The following FAM13A variants were observed in gnomAD, a reference collection of about 807,000 sequenced individuals.
The protein encoded by FAM13A is protein FAM13A.
In FAM13A, 76 loss-of-function variants were observed where a neutral mutation model predicts 129.6. The ratio of observed to expected loss-of-function variants is 0.59; its 90% confidence interval spans 0.49 to 0.71. The LOEUF is 0.71. Ranked by LOEUF, FAM13A falls within the 30% of genes least tolerant of loss-of-function variation. FAM13A has a pLI of 0.00. For synonymous variants in FAM13A, 443 were observed against 449.9 expected (o/e 0.98, Z 0.20); for missense variants, 1,108 against 1,249.3 (o/e 0.89, Z 1.70).
At chr4:88,754,708 C>A (rs1743282857) in intron 14 of FAM13A, among the ~76,000 whole-genome samples, 1 of 152,102 alleles carries the variant, frequency 6.6e-6, no homozygotes, top group African/African-American at 2.4e-5. Flanking sequence ...CAATGTTAGT[C>A]CTATGAAATT....
At chr4:88,790,080 A>G (rs1169044168) in intron 9 of FAM13A, among the ~76,000 whole-genome samples, 2 of 152,124 alleles carry the variant, frequency 1.3e-5, no homozygotes, top group South Asian at 2.1e-4. Flanking sequence ...TGCCATCACT[A>G]ATTTGCTTTC....
At position 88,790,566 on chromosome 4, in the gene FAM13A, A is replaced by G; in HGVS notation, c.1091+20T>C. On this transcript the variant is annotated intron_variant, in intron 9 of 23. Coordinates refer to ENST00000264344, the MANE Select transcript of FAM13A (RefSeq NM_014883.4). ...AAAAAAAAAAACCCAAAGCCCAAAA[A>G]CCCAACCCAAATAACTTACTCTCCG... The G allele has an allele frequency of 2.5e-6, 4 of 1,603,594 alleles. No homozygotes were observed. The highest frequency in any genetic ancestry group is 3.4e-6 in the Non-Finnish European group (4 of 1,176,250).
intron 1 of FAM13A, among the ~76,000 whole-genome samples, chr4:89,039,107 C>A (rs1769772263): frequency 6.6e-6 from 1 of 152,058 alleles, no homozygotes; most frequent in Non-Finnish European, 1.5e-5. Flanking sequence ...AGCTTGTAAA[C>A]CTAACTTCTA....
chr4:88,777,448 T>C (rs572691003), intron 11 of FAM13A, among the ~76,000 whole-genome samples: 2 of 152,232 alleles, frequency 1.3e-5, no homozygotes, highest in East Asian at 3.9e-4. Flanking sequence ...GGCACAGGTA[T>C]GAGCTTGGGG....
chr4:89,047,091 A>G (rs1192353750), intron 1 of FAM13A, among the ~76,000 whole-genome samples: 1 of 152,144 alleles, frequency 6.6e-6, no homozygotes, highest in East Asian at 1.9e-4. Flanking sequence ...AGGGCAAGTA[A>G]CAGTGAGCAG....
Position 88,803,237 on chromosome 4 carries a change from A to G in FAM13A, c.1049+1774T>C, listed in dbSNP as rs61690929. Among the ~76,000 whole-genome samples the G allele has an allele frequency of 6.0e-4, 92 of 152,278 alleles. 1 individual carries two copies. The highest frequency in any genetic ancestry group is 2.1e-3 in the African/African-American group (88 of 41,572). On this transcript the variant is annotated intron_variant, in intron 8 of 23. Transcript: ENST00000264344. ...ATAGTTCTGCTTAGTTTAAATCTCC[A>G]TCATATGAAAAGAATGCCTGCTGGT...
At chr4:89,015,945 C>T (rs1024071972) in intron 3 of FAM13A, among the ~76,000 whole-genome samples, 1 of 151,924 alleles carries the variant, frequency 6.6e-6, no homozygotes, top group African/African-American at 2.4e-5. Flanking sequence ...AATTATAACA[C>T]AGACTCATAC....
chr4:88,965,936 C>G (rs1579535695), intron 4 of FAM13A, among the ~76,000 whole-genome samples: 2 of 151,952 alleles, frequency 1.3e-5, no homozygotes. Flanking sequence ...GTATATACTA[C>G]ATTTGTTTAC....
chr4:88,977,641 A>G (rs186893815), intron 4 of FAM13A, among the ~76,000 whole-genome samples: 6 of 152,354 alleles, frequency 3.9e-5, no homozygotes, highest in Non-Finnish European at 7.3e-5. Flanking sequence ...ATTACAATCA[A>G]GCAATTAGCT....
At chr4:88,782,009 AT>A (rs1216108941) in intron 10 of FAM13A, among the ~76,000 whole-genome samples, 2 of 146,490 alleles carry the variant, frequency 1.4e-5, no homozygotes, top group African/African-American at 2.5e-5. Context: ...AATAAAAAAA[AT>A]TAAAAAATTA....
At chr4:88,863,222 G>C (rs902861652) in intron 6 of FAM13A, among the ~76,000 whole-genome samples, 3 of 152,174 alleles carry the variant, frequency 2.0e-5, no homozygotes, top group African/African-American at 4.8e-5. Flanking sequence ...AGGGGCTGGA[G>C]ATAGAATTCA....
chr4:88,834,689 A>G lies in FAM13A; in HGVS notation c.1007+16331T>C, dbSNP rs191059944. 2.5e-3 allele frequency among the ~76,000 whole-genome samples: 384 copies of G among 152,390 alleles called. 1 individual carries two copies. Among genetic ancestry groups the G allele is most frequent in the African/African-American group, 8.7e-3 (361 of 41,606 alleles). ...AATCCAATTTTAAAACTTTAAAAAC[A>G]GCCTAGTGAAATAATTTTAACAACT... On this transcript the variant is annotated intron_variant, in intron 7 of 23. Transcript: ENST00000264344.
At chr4:88,964,921 C>A (rs568484866) in intron 4 of FAM13A, among the ~76,000 whole-genome samples, 25 of 152,166 alleles carry the variant, frequency 1.6e-4, no homozygotes, top group African/African-American at 6.0e-4. Flanking sequence ...AGATACCGCG[C>A]CCGGCCCACT....
intron 4 of FAM13A, among the ~76,000 whole-genome samples, chr4:88,974,034 A>G (rs903508146): frequency 1.3e-5 from 2 of 152,182 alleles, no homozygotes; most frequent in African/African-American, 4.8e-5. Flanking sequence ...AAAATGCTCT[A>G]GTATATTTCA....
chr4:88,857,402 C>CG (rs1479087094), intron 6 of FAM13A, among the ~76,000 whole-genome samples: 2 of 151,916 alleles, frequency 1.3e-5, no homozygotes, highest in Non-Finnish European at 2.9e-5. Context: ...CCAAGGCAGG[C>CG]GGATCACTTG....
chr4:88,726,611 C>CTATT lies in FAM13A; in HGVS notation c.*1918_*1921dup, dbSNP rs774643000. 1.6e-4 allele frequency: 24 copies of CTATT among 151,532 alleles called. No individual in the cohort carries two copies. Among genetic ancestry groups the CTATT allele is most frequent in the Non-Finnish European group, 3.2e-4 (22 of 67,930 alleles). The allele number at this position is 151,532 out of a possible 1,614,324, so 9.4% of individuals were successfully genotyped here. A position where few individuals can be genotyped will look rare whatever the true frequency, so the allele number is the denominator to read the frequency against. On this transcript the variant is annotated 3_prime_UTR_variant, in exon 24 of 24. Transcript: ENST00000264344. The stretch of plus-strand genomic sequence containing the variant: ...TAATATCATAGCTTATTTAAGAGAG[C>CTATT]TATTAAAGGACAGACTAGACATGTA...
At chr4:88,902,301 C>T (rs1747422241) in intron 6 of FAM13A, among the ~76,000 whole-genome samples, 2 of 151,970 alleles carry the variant, frequency 1.3e-5, no homozygotes, top group Non-Finnish European at 1.5e-5. Context: ...AGAGATACAA[C>T]AAAAAAAGAA....
At chr4:88,795,757 A>G (rs182441224) in intron 8 of FAM13A, among the ~76,000 whole-genome samples, 158 of 151,966 alleles carry the variant, frequency 1.0e-3, no homozygotes, top group Middle Eastern at 3.4e-3. Context: ...GGTTACTAAA[A>G]GTGCTTTTTT....
intron 4 of FAM13A, among the ~76,000 whole-genome samples, chr4:88,945,394 T>C (rs891976231): frequency 6.6e-6 from 1 of 152,168 alleles, no homozygotes; most frequent in Admixed American, 6.5e-5. Flanking sequence ...AGTTGCCAAC[T>C]TCATGCTGTG....
Sources: gnomAD v4.1 joint callset for allele counts (sites outside exome capture counted in the v4.1 genomes callset) on GRCh38, gnomAD v4.1.1 for gene constraint, MANE v1.5 for transcripts, NCBI Gene and HGNC (gene_info 2026-07-23, HGNC 2026-07-21) for gene names.